Variants in ENTPD1 observed in about 807,000 individuals in gnomAD.
ENTPD1 encodes the protein ATP diphosphohydrolase.
ENTPD1 carries 33 observed loss-of-function variants against 57.0 expected under a neutral mutation model. That is an observed-to-expected ratio of 0.58 (90% CI 0.44 to 0.77). The LOEUF (loss-of-function observed/expected upper bound fraction) is 0.77. Among genes scored for constraint, ENTPD1 ranks in the 30% least tolerant of loss-of-function variants. ENTPD1 has a pLI of 0.00. For synonymous variants in ENTPD1, 202 were observed against 218.8 expected (o/e 0.92, Z 0.68); for missense variants, 501 against 603.4 (o/e 0.83, Z 1.78).
intron 1 of ENTPD1, among the ~76,000 whole-genome samples, chr10:95,795,555 AC>A (rs756397650): frequency 1.3e-5 from 2 of 152,132 alleles, no homozygotes; most frequent in Non-Finnish European, 2.9e-5. Context: ...AGTAACTAAG[AC>A]CATGGGGTCC....
Position 95,835,918 on chromosome 10 carries a change from G to A in ENTPD1, c.145-3773G>A, listed in dbSNP as rs144870048. Among the ~76,000 whole-genome samples the A allele has an allele frequency of 5.4e-3, 817 of 152,226 alleles. 12 individuals carry two copies. Among genetic ancestry groups the A allele is most frequent in the African/African-American group, 0.019 (779 of 41,540 alleles). On this transcript the variant is annotated intron_variant, in intron 2 of 9. Coordinates refer to ENST00000371205, the MANE Select transcript of ENTPD1 (RefSeq NM_001776.6). Reference sequence around the variant, plus strand: ...TTTCCTGAGGCCAATGTCTGGAAGGGTATTTCCTAGGTTTCTTTTATGACT... The same window carrying A: ...TTTCCTGAGGCCAATGTCTGGAAGGATATTTCCTAGGTTTCTTTTATGACT...
At chr10:95,711,743 C>T (rs890096023), upstream of ENTPD1, 6 of 595,906 alleles carry the variant, frequency 1.0e-5, no homozygotes, top group African/African-American at 1.9e-5. Context: ...ACACTGTGCC[C>T]AGCCTCCCCT....
intron 1 of ENTPD1, among the ~76,000 whole-genome samples, chr10:95,814,807 A>G (rs2098324241): frequency 6.6e-6 from 1 of 152,190 alleles, no homozygotes; most frequent in South Asian, 2.1e-4. Context: ...GGAACAGGAC[A>G]TGGGTTATTT....
chr10:95,797,634 G>C (rs890261803), intron 1 of ENTPD1, among the ~76,000 whole-genome samples: 6 of 152,152 alleles, frequency 3.9e-5, no homozygotes, highest in African/African-American at 1.4e-4. Flanking sequence ...GAAGGCAATG[G>C]GCATATCACA....
At chr10:95,774,822 T>C (rs1459929774) in intron 1 of ENTPD1, among the ~76,000 whole-genome samples, 3 of 152,236 alleles carry the variant, frequency 2.0e-5, no homozygotes. Context: ...GGGCTCTTTT[T>C]TGGTTCCATA....
upstream of ENTPD1, among the ~76,000 whole-genome samples, chr10:95,752,377 G>T (rs1006664802): frequency 5.9e-5 from 9 of 152,068 alleles, no homozygotes; most frequent in Non-Finnish European, 1.3e-4. Flanking sequence ...CTATATTGCT[G>T]GGCCCAGTGT....
At chr10:95,721,855 T>C (rs2097977864) in intron 1 of ENTPD1, among the ~76,000 whole-genome samples, 1 of 152,146 alleles carries the variant, frequency 6.6e-6, no homozygotes, top group African/African-American at 2.4e-5. Context: ...CCTGCACCCC[T>C]TTTCCCGCCT....
chr10:95,830,040 T>A (rs2098391543), intron 2 of ENTPD1, among the ~76,000 whole-genome samples: 1 of 152,138 alleles, frequency 6.6e-6, no homozygotes, highest in African/African-American at 2.4e-5. Context: ...AAGGCCCTCC[T>A]GAGATGTTGC....
At chr10:95,802,267 A>G (rs765798810) in intron 1 of ENTPD1, among the ~76,000 whole-genome samples, 1 of 152,240 alleles carries the variant, frequency 6.6e-6, no homozygotes, top group Non-Finnish European at 1.5e-5. Flanking sequence ...CCTGAGATCT[A>G]TAAAAAGGAA....
chr10:95,757,251 C>G (rs1053290668), intron 1 of ENTPD1, among the ~76,000 whole-genome samples: 1 of 152,200 alleles, frequency 6.6e-6, no homozygotes, highest in African/African-American at 2.4e-5. Context: ...GGGAGCTATA[C>G]CTAGCATATT....
chr10:95,803,409 G>A (rs2098258851), intron 1 of ENTPD1, among the ~76,000 whole-genome samples: 1 of 152,188 alleles, frequency 6.6e-6, no homozygotes, highest in Non-Finnish European at 1.5e-5. Flanking sequence ...TCTAACTGAT[G>A]TGAGGTGATA....
chr10:95,845,924 C>G, intron 6 of ENTPD1: 1 of 348,246 alleles, frequency 2.9e-6, no homozygotes, highest in South Asian at 3.2e-5. Context: ...AATTTATAAG[C>G]TCTTTTAGAC....
At chr10:95,834,985 G>A (rs372242899) in intron 2 of ENTPD1, among the ~76,000 whole-genome samples, 4 of 152,010 alleles carry the variant, frequency 2.6e-5, no homozygotes, top group African/African-American at 9.7e-5. Flanking sequence ...GTGCATATTT[G>A]TTTCATGGGT....
At chr10:95,843,877 C>T (rs947494241) in intron 4 of ENTPD1, among the ~76,000 whole-genome samples, 3 of 152,206 alleles carry the variant, frequency 2.0e-5, no homozygotes, top group East Asian at 1.9e-4. Context: ...GCAATTGCAT[C>T]CCATCTTCAT....
chr10:95,778,320 C>G (rs2098142379), intron 1 of ENTPD1, among the ~76,000 whole-genome samples: 1 of 152,170 alleles, frequency 6.6e-6, no homozygotes, highest in Admixed American at 6.6e-5. Flanking sequence ...AGAAAACTGA[C>G]AAGACCCAGG....
chr10:95,860,397 G>A (rs1174585195), intron 7 of ENTPD1, 72 bp from the exon 8 acceptor site: 18 of 1,242,874 alleles, frequency 1.4e-5, no homozygotes, highest in Non-Finnish European at 2.0e-5. Flanking sequence ...CACAAGGGAT[G>A]CGGCCTTTAG....
chr10:95,866,047 G>T, intron 9 of ENTPD1, 130 bp from the exon 10 acceptor site: 1 of 1,300,728 alleles, frequency 7.7e-7, no homozygotes, highest in Non-Finnish European at 1.1e-6. Context: ...TTACAGGCAT[G>T]AGCCACTGTG....
In ENTPD1 at chr10:95,805,558, G is replaced by A. The variant is rs575030367; in HGVS notation, c.17-17679G>A. Among the ~76,000 whole-genome samples, 33 of 152,216 alleles carry A rather than the reference G, an allele frequency of 2.2e-4. No individual in the cohort carries two copies. The South Asian group carries it at 6.6e-3, about 31-fold the overall frequency. On this transcript the variant is annotated intron_variant, in intron 1 of 9. Transcript: ENST00000371205. Reference sequence around the variant, plus strand: ...ATGATGTTAGCTGGTTATTTTGCCCGCTAGCTGATGCAGTTTCTTTCTCGT... The same window carrying A: ...ATGATGTTAGCTGGTTATTTTGCCCACTAGCTGATGCAGTTTCTTTCTCGT...
chr10:95,868,817 CCT>C lies in ENTPD1; in HGVS notation c.*2435_*2436del. 1 of 985,304 alleles carries C rather than the reference CCT, an allele frequency of 1.0e-6. No homozygotes were observed. The highest frequency in any genetic ancestry group is 1.1e-4 in the East Asian group (1 of 8,812). The allele number at this position is 985,304 out of a possible 1,614,324, so 61.0% of individuals were successfully genotyped here. ...AACACAAATCTTTTCTTATTCCATTCCTGTTTGGTTGCCTACGTCCAATCTCC... is the reference window on the plus strand; with the variant it reads ...AACACAAATCTTTTCTTATTCCATTCGTTTGGTTGCCTACGTCCAATCTCC... On this transcript the variant is annotated 3_prime_UTR_variant, in exon 10 of 10. Transcript: ENST00000371205.
Sources: gnomAD v4.1 joint callset for allele counts (sites outside exome capture counted in the v4.1 genomes callset) on GRCh38, gnomAD v4.1.1 for gene constraint, MANE v1.5 for transcripts, NCBI Gene and HGNC (gene_info 2026-07-23, HGNC 2026-07-21) for gene names.